The following CCSER1 variants were observed in gnomAD, a reference collection of about 807,000 sequenced individuals.
CCSER1 encodes serine-rich coiled-coil domain-containing protein 1.
In CCSER1, 41 loss-of-function variants were observed where a neutral mutation model predicts 82.0. The ratio of observed to expected loss-of-function variants is 0.50; its 90% confidence interval spans 0.39 to 0.65. The LOEUF is 0.65. Among genes scored for constraint, CCSER1 ranks in the 30% least tolerant of loss-of-function variants. The probability of loss-of-function intolerance (pLI) is 0.00; values close to 1 mark genes in which losing one functional copy is unlikely to be tolerated. For missense variants in CCSER1, 1,119 were observed against 1,064.2 expected (o/e 1.05, Z -0.72); for synonymous variants, 414 against 383.9 (o/e 1.08, Z -0.92).
chr4:90,874,984 T>C (rs1201756857), intron 8 of CCSER1, among the ~76,000 whole-genome samples: 1 of 152,138 alleles, frequency 6.6e-6, no homozygotes, highest in Non-Finnish European at 1.5e-5. Flanking sequence ...AGGCGGAGGT[T>C]GCAGTGAGCT....
intron 5 of CCSER1, among the ~76,000 whole-genome samples, chr4:90,625,198 A>G (rs972567265): frequency 1.3e-5 from 2 of 152,114 alleles, no homozygotes; most frequent in Non-Finnish European, 2.9e-5. Context: ...CAGCCTTAAT[A>G]TGTTGTCTGT....
chr4:91,385,744 T>C (rs1262963330), intron 10 of CCSER1, among the ~76,000 whole-genome samples: 1 of 151,908 alleles, frequency 6.6e-6, no homozygotes, highest in Non-Finnish European at 1.5e-5. Flanking sequence ...TAGGAGTAGT[T>C]TTCTTATTTT....
At chr4:90,947,784 A>G (rs1026737601) in intron 9 of CCSER1, among the ~76,000 whole-genome samples, 1 of 152,162 alleles carries the variant, frequency 6.6e-6, no homozygotes, top group Non-Finnish European at 1.5e-5. Flanking sequence ...AGTGACAAGT[A>G]TAATATCTTA....
At chr4:90,880,871 T>G (rs1178020788) in intron 8 of CCSER1, among the ~76,000 whole-genome samples, 3 of 152,048 alleles carry the variant, frequency 2.0e-5, no homozygotes, top group Non-Finnish European at 4.4e-5. Flanking sequence ...GCCGTCATCC[T>G]GCCTGGCTTT....
intron 9 of CCSER1, among the ~76,000 whole-genome samples, chr4:91,042,046 C>T (rs28458793): frequency 6.6e-6 from 1 of 152,078 alleles, no homozygotes; most frequent in Non-Finnish European, 1.5e-5. Context: ...GAAGAATGAA[C>T]AAGATATTGT....
intron 10 of CCSER1, among the ~76,000 whole-genome samples, chr4:91,192,420 G>A (rs1735079411): frequency 6.6e-6 from 1 of 150,532 alleles, no homozygotes; most frequent in African/African-American, 2.5e-5. Context: ...TAACTCTGTC[G>A]ATTGAATGTA....
chr4:90,293,695 T>G (rs1298334018), intron 1 of CCSER1, among the ~76,000 whole-genome samples: 1 of 151,348 alleles, frequency 6.6e-6, no homozygotes, highest in Non-Finnish European at 1.5e-5. Context: ...AATAAAAAAT[T>G]TAAGGCAAAT....
intron 9 of CCSER1, among the ~76,000 whole-genome samples, chr4:90,975,680 G>T (rs1482322306): frequency 2.6e-5 from 4 of 151,066 alleles, no homozygotes; most frequent in Non-Finnish European, 5.9e-5. Flanking sequence ...TGTTATTTTT[G>T]TTGCTAAACA....
chr4:90,917,706 G>A lies in CCSER1; in HGVS notation c.2095-5664G>A, dbSNP rs930775992. Among the ~76,000 whole-genome samples, 5 of 151,800 alleles carry A rather than the reference G, an allele frequency of 3.3e-5. No individual in the cohort carries two copies. In the South Asian group the frequency reaches 8.3e-4, roughly 25 times the overall value. ...AAAATTACATCAGGATTTTATTTTAGTGATTAAAGAAAATAAACACCTAAA... is the reference window on the plus strand; with the variant it reads ...AAAATTACATCAGGATTTTATTTTAATGATTAAAGAAAATAAACACCTAAA... On this transcript the variant is annotated intron_variant, in intron 8 of 10. Transcript: ENST00000509176.
chr4:90,674,922 T>C (rs1042380816), intron 6 of CCSER1, among the ~76,000 whole-genome samples: 6 of 152,018 alleles, frequency 3.9e-5, no homozygotes, highest in African/African-American at 1.2e-4. Flanking sequence ...CATTTTATAA[T>C]GAAAATATTA....
At chr4:91,157,845 T>C (rs906407598) in intron 10 of CCSER1, among the ~76,000 whole-genome samples, 1 of 152,060 alleles carries the variant, frequency 6.6e-6, no homozygotes, top group Non-Finnish European at 1.5e-5. Flanking sequence ...ATGCTCCTTT[T>C]TCAAAGTCTT....
chr4:90,952,800 A>T (rs1733049500), intron 9 of CCSER1, among the ~76,000 whole-genome samples: 1 of 151,966 alleles, frequency 6.6e-6, no homozygotes, highest in Admixed American at 6.6e-5. Flanking sequence ...AATAAATTTA[A>T]ATCATAGACT....
At chr4:90,216,194 A>G (rs751725320) in intron 1 of CCSER1, among the ~76,000 whole-genome samples, 4 of 152,196 alleles carry the variant, frequency 2.6e-5, no homozygotes. Flanking sequence ...TTAAGGCTTA[A>G]TCCCGGACCT....
intron 6 of CCSER1, among the ~76,000 whole-genome samples, chr4:90,704,416 T>G (rs1030087366): frequency 2.0e-5 from 3 of 152,192 alleles, no homozygotes; most frequent in Non-Finnish European, 4.4e-5. Flanking sequence ...ATTTTTTCCT[T>G]CATTTCAACT....
chr4:90,322,669 G>A (rs1737378918), intron 3 of CCSER1, among the ~76,000 whole-genome samples: 1 of 152,164 alleles, frequency 6.6e-6, no homozygotes, highest in East Asian at 1.9e-4. Context: ...CACTTCTTTG[G>A]TTAAGTTTAT....
intron 4 of CCSER1, among the ~76,000 whole-genome samples, chr4:90,439,260 C>G (rs1353474748): frequency 1.3e-5 from 2 of 152,096 alleles, no homozygotes; most frequent in Non-Finnish European, 2.9e-5. Context: ...TGCACTCTAG[C>G]CCGTGTGACA....
intron 10 of CCSER1, among the ~76,000 whole-genome samples, chr4:91,253,715 A>G (rs1025342496): frequency 5.3e-5 from 8 of 152,210 alleles, no homozygotes; most frequent in African/African-American, 1.9e-4. Context: ...ATTGCTATAA[A>G]GAAATACACC....
At chr4:90,485,519 C>T (rs1028774664) in intron 5 of CCSER1, among the ~76,000 whole-genome samples, 20 of 76,220 alleles carry the variant, frequency 2.6e-4, no homozygotes, top group Non-Finnish European at 4.3e-4. Context: ...CTTGGCTCCA[C>T]CCCCCCCCCC....
At chr4:91,235,943 A>G (rs570398586) in intron 10 of CCSER1, among the ~76,000 whole-genome samples, 155 of 152,328 alleles carry the variant, frequency 1.0e-3, no homozygotes, top group South Asian at 1.2e-3. Flanking sequence ...TGTTGCCATG[A>G]CAGCAATTAT....
Sources: gnomAD v4.1 joint callset for allele counts (sites outside exome capture counted in the v4.1 genomes callset) on GRCh38, gnomAD v4.1.1 for gene constraint, MANE v1.5 for transcripts, NCBI Gene and HGNC (gene_info 2026-07-23, HGNC 2026-07-21) for gene names.